Variants in NIBAN1 observed in about 807,000 individuals in gnomAD.
NIBAN1 encodes protein Niban 1.
Under a neutral mutation model 75.1 loss-of-function variants are expected in NIBAN1, and 81 were observed. The ratio of observed to expected loss-of-function variants is 1.08; its 90% CI spans 0.90 to 1.30. NIBAN1 has a LOEUF of 1.30. NIBAN1 is among the 50% of genes most tolerant of loss of function. The pLI, the probability that NIBAN1 is intolerant of heterozygous loss-of-function variation, is 0.00. For synonymous variants in NIBAN1, 436 were observed against 424.8 expected, an observed-to-expected ratio of 1.03 and a Z score of -0.32; for missense variants, 1,133 against 1,128.1, an observed-to-expected ratio of 1.00 and a Z score of -0.06.
rs1025129939 is a variant in NIBAN1 at position 184,797,156 on chromosome 1, T to C, written c.1666+923A>G. ...CTCCAGCTTTTTTTTTTTTTTTTTT[T>C]TGAGACCGAGTCTCACTCTGTCACC... On this transcript the variant is annotated intron_variant, in intron 13 of 13. Coordinates refer to ENST00000367511, the MANE Select transcript of NIBAN1 (RefSeq NM_052966.4). Among the ~76,000 whole-genome samples, 8 of 100,750 alleles carry C rather than the reference T, an allele frequency of 7.9e-5. No homozygotes were observed. In the South Asian group the frequency reaches 2.2e-3, roughly 28 times the overall value. The allele number at this position is 100,750 out of a possible 152,430, so 66.1% of individuals were successfully genotyped here.
chr1:184,841,860 G>A (rs975192251), intron 5 of NIBAN1, among the ~76,000 whole-genome samples: 8 of 152,166 alleles, frequency 5.3e-5, no homozygotes, highest in African/African-American at 1.9e-4. Flanking sequence ...GGCATCATGT[G>A]CCTCCCACCA....
chr1:184,803,977 T>C (rs936500263), intron 11 of NIBAN1, among the ~76,000 whole-genome samples: 4 of 152,168 alleles, frequency 2.6e-5, no homozygotes, highest in Non-Finnish European at 5.9e-5. Context: ...GGGATAGAAC[T>C]GGGGGGTGAG....
At chr1:184,798,648 T>C (rs914275143) in intron 12 of NIBAN1, among the ~76,000 whole-genome samples, 4 of 152,182 alleles carry the variant, frequency 2.6e-5, no homozygotes, top group African/African-American at 4.8e-5. Flanking sequence ...AAGTTATATA[T>C]AGTAAAATGT....
rs761583786 is a variant in NIBAN1 at position 184,823,334 on chromosome 1, A to G, written c.823-5T>C. The G allele has an allele frequency of 1.2e-6, 2 of 1,613,772 alleles. No homozygotes were observed. The highest frequency in any genetic ancestry group is 2.2e-5 in the South Asian group (2 of 91,070). Reference sequence around the variant, plus strand: ...GGTGTAGGCCTCCTCGAGGAGCTGCAACAAGGAATAACACATAAATCAGGG... The same window carrying G: ...GGTGTAGGCCTCCTCGAGGAGCTGCGACAAGGAATAACACATAAATCAGGG... On this transcript the variant is annotated splice_region_variant and splice_polypyrimidine_tract_variant and intron_variant, in intron 7 of 13. Coordinates refer to ENST00000367511, the MANE Select transcript of NIBAN1 (RefSeq NM_052966.4).
intron 1 of NIBAN1, among the ~76,000 whole-genome samples, chr1:184,936,698 C>G (rs1181590487): frequency 6.6e-6 from 1 of 151,748 alleles, no homozygotes; most frequent in Non-Finnish European, 1.5e-5. Flanking sequence ...TGCGTGCGTG[C>G]GTGTGTGTGT....
intron 12 of NIBAN1, among the ~76,000 whole-genome samples, chr1:184,801,495 G>A (rs1275257996): frequency 6.6e-6 from 1 of 152,162 alleles, no homozygotes; most frequent in African/African-American, 2.4e-5. Flanking sequence ...ATTCATGCCT[G>A]CAACACCCTT....
intron 1 of NIBAN1, among the ~76,000 whole-genome samples, chr1:184,922,751 C>T (rs1463236378): frequency 6.6e-6 from 1 of 152,170 alleles, no homozygotes. Flanking sequence ...GGATTACAGG[C>T]ACCTGCCATG....
At chr1:184,902,899 A>G (rs1000060424) in intron 1 of NIBAN1, among the ~76,000 whole-genome samples, 4 of 152,214 alleles carry the variant, frequency 2.6e-5, no homozygotes, top group African/African-American at 9.6e-5. Context: ...AATATTCTGT[A>G]TATTGAAAAC....
chr1:184,913,138 T>TATATATATATATATATA (rs1553227227), intron 1 of NIBAN1, among the ~76,000 whole-genome samples: 1 of 82,768 alleles, frequency 1.2e-5, no homozygotes, highest in African/African-American at 7.4e-5. Flanking sequence ...ATCATGCAGG[T>TATATATATATATATATA]ATATATATAT....
chr1:184,815,225 T>C (rs1445197192), intron 9 of NIBAN1, among the ~76,000 whole-genome samples: 2 of 152,230 alleles, frequency 1.3e-5, no homozygotes. Context: ...ATTATTATGC[T>C]ACAATGTATT....
At chr1:184,898,633 C>T (rs753543341) in intron 2 of NIBAN1, among the ~76,000 whole-genome samples, 3 of 152,052 alleles carry the variant, frequency 2.0e-5, no homozygotes, top group African/African-American at 2.4e-5. Context: ...AAATAAGACT[C>T]GCTTTATTTC....
intron 5 of NIBAN1, among the ~76,000 whole-genome samples, chr1:184,876,574 G>A (rs944100154): frequency 2.9e-4 from 44 of 151,810 alleles, no homozygotes; most frequent in Admixed American, 1.3e-3. Context: ...GGTAGTGTGC[G>A]CTTGTAATCC....
rs1308171890 is a variant in NIBAN1 at position 184,798,156 on chromosome 1, T to C, written c.1589A>G (p.Asp530Gly). ...TTCAACGTGAATCATATTGGTATGA[T>C]CTGCAAAGATGAACTGCTCGTATTT... ...LQKYEQFIFADHTNMIHVENV... is the reference protein window; with the variant it reads ...LQKYEQFIFAGHTNMIHVENV... Residue 530 changes from aspartate to glycine, a missense_variant, in exon 13 of 14, where the codon GAT becomes GGT. Transcript: ENST00000367511. 6.2e-7 allele frequency: 1 copy of C among 1,609,154 alleles called. No individual in the cohort carries two copies. The highest frequency in any genetic ancestry group is 8.5e-7 in the Non-Finnish European group (1 of 1,176,252).
intron 1 of NIBAN1, among the ~76,000 whole-genome samples, chr1:184,926,422 G>T (rs533811839): frequency 6.6e-6 from 1 of 152,282 alleles, no homozygotes; most frequent in Non-Finnish European, 1.5e-5. Flanking sequence ...GTGTTTCGTA[G>T]AGACGGGGCT....
In NIBAN1 at chr1:184,798,164, G is replaced by C; in HGVS notation, c.1581C>G (p.Ile527Met). 6.2e-7 allele frequency: 1 copy of C among 1,606,566 alleles called. No individual in the cohort carries two copies. The highest frequency in any genetic ancestry group is 8.5e-7 in the Non-Finnish European group (1 of 1,174,274). ...GAATCATATTGGTATGATCTGCAAAGATGAACTGCTCGTATTTCTGAAGCT... is the reference window on the plus strand; with the variant it reads ...GAATCATATTGGTATGATCTGCAAACATGAACTGCTCGTATTTCTGAAGCT... ...KPELQKYEQFIFADHTNMIHV... is the reference protein window; with the variant it reads ...KPELQKYEQFMFADHTNMIHV... Residue 527 changes from isoleucine to methionine, a missense_variant, in exon 13 of 14, where the codon ATC (isoleucine) becomes ATG (methionine). Coordinates refer to ENST00000367511, the MANE Select transcript of NIBAN1 (RefSeq NM_052966.4).
At chr1:184,953,424 G>A (rs1658407048) in intron 1 of NIBAN1, among the ~76,000 whole-genome samples, 3 of 152,186 alleles carry the variant, frequency 2.0e-5, no homozygotes, top group South Asian at 4.1e-4. Flanking sequence ...CTAAAAATGA[G>A]ACATATTATA....
chr1:184,841,625 C>T (rs1157551250), intron 5 of NIBAN1, among the ~76,000 whole-genome samples: 4 of 152,270 alleles, frequency 2.6e-5, no homozygotes, highest in East Asian at 3.9e-4. Flanking sequence ...GGGCTGGATT[C>T]GTTTCATGGA....
intron 9 of NIBAN1, among the ~76,000 whole-genome samples, chr1:184,817,964 G>A (rs1654584980): frequency 6.6e-6 from 1 of 152,194 alleles, no homozygotes. Flanking sequence ...CACTGTTTCT[G>A]TACCTCACTT....
At chr1:184,808,367 A>C (rs562704635) in intron 9 of NIBAN1, 132 bp from the exon 10 acceptor site, 5 of 860,362 alleles carry the variant, frequency 5.8e-6, no homozygotes, top group Non-Finnish European at 8.7e-6. Flanking sequence ...GGATCCCTAC[A>C]TCTGTGACAC....
Sources: allele counts gnomAD v4.1 joint callset (sites outside exome capture counted in the v4.1 genomes callset), GRCh38; gene constraint gnomAD v4.1.1; transcripts MANE v1.5; gene names NCBI Gene and HGNC (gene_info 2026-07-23, HGNC 2026-07-21).